Variants in INAFM1 observed in about 807,000 individuals in gnomAD.
INAFM1 encodes InaF motif containing 1, also known as putative transmembrane protein INAFM1.
INAFM1 carries 11 observed loss-of-function variants against 9.4 expected under a neutral mutation model. That is an observed-to-expected ratio of 1.17 (90% CI 0.74 to 1.94). The LOEUF (loss-of-function observed/expected upper bound fraction) is 1.94. Among genes scored for constraint, INAFM1 ranks in the 30% most tolerant of loss-of-function variants. The pLI is 0.00. For synonymous variants in INAFM1, 161 were observed against 109.5 expected, an observed-to-expected ratio of 1.47 and a Z score of -2.94; for missense variants, 318 against 221.6, an observed-to-expected ratio of 1.44 and a Z score of -2.76.
rs1468375474 is a variant in INAFM1 at position 47,275,325 on chromosome 19, G to T, written c.406G>T (p.Ala136Ser). ...RQTPRETPEA[A>S]EGRRPG ...GACACCCAGAGAGACGCCAGAGGCC[G>T]CGGAGGGGCGAAGACCCGGGTAACT... Residue 136 changes from alanine (A) to serine (S), a missense_variant, in exon 1 of 1, where the codon GCG (alanine) becomes TCG (serine). Physicochemically the swap from Ala to Ser is moderately conservative, Grantham distance 99. Transcript: ENST00000552360. 8 of 1,545,734 alleles carry T rather than the reference G, an allele frequency of 5.2e-6. No homozygotes were observed. Among genetic ancestry groups the T allele is most frequent in the Non-Finnish European group, 7.0e-6 (8 of 1,144,846 alleles).
At position 47,275,068 on chromosome 19, in the gene INAFM1, A is replaced by G. The variant is rs750457270; in HGVS notation, c.149A>G (p.Tyr50Cys). Reference sequence around the variant, plus strand: ...CTAGCTGCCGTGCTGCTCGCCGTGTACTACGGTCTCATCTGGGTACCCACG... The same window carrying G: ...CTAGCTGCCGTGCTGCTCGCCGTGTGCTACGGTCTCATCTGGGTACCCACG... Reference protein sequence around the residue: ...VSLAAVLLAVYYGLIWVPTRS... With the variant: ...VSLAAVLLAVCYGLIWVPTRS... The change falls in exon 1 of 1, where the codon TAC becomes TGC. Residue 50 changes from tyrosine (Y) to cysteine (C), a missense_variant. Coordinates refer to ENST00000552360, the MANE Select transcript of INAFM1 (RefSeq NM_178511.6). 4.6e-5 allele frequency: 69 copies of G among 1,496,638 alleles called. No individual in the cohort carries two copies. In the South Asian group the frequency reaches 5.9e-4, roughly 13 times the overall value. The allele number at this position is 1,496,638 out of a possible 1,614,324, so 92.7% of individuals were successfully genotyped here. A position where few individuals can be genotyped will look rare whatever the true frequency, so the allele number is the denominator to read the frequency against.
chr19:47,275,192 C>T lies in INAFM1; in HGVS notation c.273C>T (p.Ala91=), dbSNP rs1254454369. Residue 91 remains alanine (A), a synonymous_variant, in exon 1 of 1, where the codon GCC becomes GCT. Transcript: ENST00000552360. The part of the protein sequence containing the change: ...GVPPVPAPAA[A]SLSCLLGVPG... ...CGCCTGTCCCGGCGCCCGCCGCTGC[C>T]TCCCTCTCCTGCCTCCTGGGAGTCC... 1.3e-6 allele frequency: 2 copies of T among 1,494,534 alleles called. No individual in the cohort carries two copies. The highest frequency in any genetic ancestry group is 2.2e-4 in the Middle Eastern group (1 of 4,586). The allele number at this position is 1,494,534 out of a possible 1,614,324, so 92.6% of individuals were successfully genotyped here. A position where few individuals can be genotyped will look rare whatever the true frequency, so the allele number is the denominator to read the frequency against.
Position 47,275,372 on chromosome 19 carries a change from A to C in INAFM1, c.*24A>C. On this transcript the variant is annotated 3_prime_UTR_variant, in exon 1 of 1. Transcript: ENST00000552360. ...AACTCTCCCTTCCACCCCAACCCGG[A>C]TCGCCAGCCCTCGAGAGCTCTGTGC... The C allele has an allele frequency of 2.0e-6, 3 of 1,531,610 alleles. No homozygotes were observed. The highest frequency in any genetic ancestry group is 1.8e-6 in the Non-Finnish European group (2 of 1,138,174). The allele number at this position is 1,531,610 out of a possible 1,614,324, so 94.9% of individuals were successfully genotyped here.
chr19:47,275,076 C>G lies in INAFM1; in HGVS notation c.157C>G (p.Leu53Val), dbSNP rs959576228. The G allele has an allele frequency of 8.7e-6, 13 of 1,497,044 alleles. No homozygotes were observed. The highest frequency in any genetic ancestry group is 1.2e-5 in the Non-Finnish European group (13 of 1,126,846). The allele number at this position is 1,497,044 out of a possible 1,614,324, so 92.7% of individuals were successfully genotyped here. The change falls in exon 1 of 1, where the codon CTC (leucine) becomes GTC (valine). Residue 53 changes from leucine (L) to valine (V), a missense_variant. Coordinates refer to ENST00000552360, the MANE Select transcript of INAFM1 (RefSeq NM_178511.6). ...CGTGCTGCTCGCCGTGTACTACGGT[C>G]TCATCTGGGTACCCACGCGGTCTCC... ...AAVLLAVYYG[L>V]IWVPTRSPAA...
Position 47,275,334 on chromosome 19 carries a change from C to A in INAFM1, c.415C>A (p.Arg139=), listed in dbSNP as rs773733679. Residue 139 remains arginine (R), a synonymous_variant, in exon 1 of 1, where the codon CGA becomes AGA. Coordinates refer to ENST00000552360, the MANE Select transcript of INAFM1 (RefSeq NM_178511.6). ...AGAGACGCCAGAGGCCGCGGAGGGG[C>A]GAAGACCCGGGTAACTCTCCCTTCC... ...PRETPEAAEG[R]RPG is the part of the protein sequence containing the mutation. 1 of 1,545,124 alleles carries A rather than the reference C, an allele frequency of 6.5e-7. No individual in the cohort carries two copies. The highest frequency in any genetic ancestry group is 1.2e-5 in the South Asian group (1 of 83,926).
At position 47,274,910 on chromosome 19, in the gene INAFM1, G is replaced by A. The variant is rs2059146892; in HGVS notation, c.-10G>A. ...GCGGTCTGCGGCGCGGAGCCGAGTGGGCTGCGGGGATGCGGGGGACCAGCT... is the reference window on the plus strand; with the variant it reads ...GCGGTCTGCGGCGCGGAGCCGAGTGAGCTGCGGGGATGCGGGGGACCAGCT... On this transcript the variant is annotated 5_prime_UTR_variant, in exon 1 of 1. Transcript: ENST00000552360. 2 of 1,311,032 alleles carry A rather than the reference G, an allele frequency of 1.5e-6. No individual in the cohort carries two copies. The highest frequency in any genetic ancestry group is 4.3e-5 in the Admixed American group (1 of 23,336). 81.2% of individuals were successfully genotyped at this position (1,311,032 alleles called of 1,614,324 possible).
chr19:47,275,350 T>A lies in INAFM1; in HGVS notation c.*2T>A. The A allele has an allele frequency of 6.5e-7, 1 of 1,538,014 alleles. No individual in the cohort carries two copies. Among genetic ancestry groups the A allele is most frequent in the Non-Finnish European group, 8.8e-7 (1 of 1,141,128 alleles). On this transcript the variant is annotated 3_prime_UTR_variant, in exon 1 of 1. Transcript: ENST00000552360. ...GCGGAGGGGCGAAGACCCGGGTAAC[T>A]CTCCCTTCCACCCCAACCCGGATCG...
chr19:47,274,947 G>C lies in INAFM1; in HGVS notation c.28G>C (p.Gly10Arg). The C allele has an allele frequency of 2.2e-6, 3 of 1,359,778 alleles. No homozygotes were observed. The highest frequency in any genetic ancestry group is 1.9e-6 in the Non-Finnish European group (2 of 1,065,812). The allele number at this position is 1,359,778 out of a possible 1,614,324, so 84.2% of individuals were successfully genotyped here. A position where few individuals can be genotyped will look rare whatever the true frequency, so the allele number is the denominator to read the frequency against. ...GCGGGGGACCAGCTGCGTGGGCGGC[G>C]GCGCCGAGAGCCCCGGAGGCGCGGG... is the stretch of plus-strand genomic sequence containing the variant. MRGTSCVGG[G>R]AESPGGAGLS... is the part of the protein sequence containing the mutation. Residue 10 changes from glycine to arginine, a missense_variant, in exon 1 of 1, where the codon GGC becomes CGC. Physicochemically the swap from Gly to Arg is moderately radical, Grantham distance 125. Coordinates refer to ENST00000552360, the MANE Select transcript of INAFM1 (RefSeq NM_178511.6).
rs749737476 is a variant in INAFM1, at chr19:47,275,321, G to A, written c.402G>A (p.Glu134=). 1.9e-6 allele frequency: 3 copies of A among 1,546,098 alleles called. No homozygotes were observed. The South Asian group carries it at 3.6e-5, about 18-fold the overall frequency. ...GCCAGACACCCAGAGAGACGCCAGAGGCCGCGGAGGGGCGAAGACCCGGGT... is the reference window on the plus strand; with the variant it reads ...GCCAGACACCCAGAGAGACGCCAGAAGCCGCGGAGGGGCGAAGACCCGGGT... ...PSRQTPRETP[E]AAEGRRPG is the part of the protein sequence containing the mutation. Residue 134 remains glutamate (E), a synonymous_variant, in exon 1 of 1, where the codon GAG becomes GAA. Transcript: ENST00000552360.
In INAFM1 at chr19:47,275,252, G is replaced by A. The variant is rs2123498071; in HGVS notation, c.333G>A (p.Leu111=). The change falls in exon 1 of 1, where the codon CTG becomes CTA. Residue 111 remains leucine (L), a synonymous_variant. Coordinates refer to ENST00000552360, the MANE Select transcript of INAFM1 (RefSeq NM_178511.6). The part of the protein sequence containing the change: ...GGPRPQLQLP[L]SRRRRYSDPD... ...CGCGACCCCAGCTCCAGCTGCCGCT[G>A]AGCCGCCGCCGCCGCTACAGCGACC... 1 of 1,539,436 alleles carries A rather than the reference G, an allele frequency of 6.5e-7. No individual in the cohort carries two copies. The highest frequency in any genetic ancestry group is 8.8e-7 in the Non-Finnish European group (1 of 1,142,796).
In INAFM1 at chr19:47,274,916, G is replaced by C; in HGVS notation, c.-4G>C. The C allele has an allele frequency of 7.6e-7, 1 of 1,314,258 alleles. No homozygotes were observed. Among genetic ancestry groups the C allele is most frequent in the Non-Finnish European group, 9.6e-7 (1 of 1,042,388 alleles). 81.4% of individuals were successfully genotyped at this position (1,314,258 alleles called of 1,614,324 possible). ...TGCGGCGCGGAGCCGAGTGGGCTGC[G>C]GGGATGCGGGGGACCAGCTGCGTGG... is the stretch of plus-strand genomic sequence containing the variant. On this transcript the variant is annotated 5_prime_UTR_variant, in exon 1 of 1. Coordinates refer to ENST00000552360, the MANE Select transcript of INAFM1 (RefSeq NM_178511.6).
In INAFM1 at chr19:47,275,549, G is replaced by A. The variant is rs750208978; in HGVS notation, c.*201G>A. The A allele has an allele frequency of 6.7e-5, 45 of 672,374 alleles. No homozygotes were observed. The highest frequency in any genetic ancestry group is 1.1e-4 in the Non-Finnish European group (44 of 414,298). 41.7% of individuals were successfully genotyped at this position (672,374 alleles called of 1,614,324 possible). On this transcript the variant is annotated 3_prime_UTR_variant, in exon 1 of 1. Coordinates refer to ENST00000552360, the MANE Select transcript of INAFM1 (RefSeq NM_178511.6). ...TTGCAGCTACTCTGTGGTCAGGCCG[G>A]GTCCTCCACCATCAGGAAGATCCCA...
In INAFM1 at chr19:47,275,701, CTG is replaced by C; in HGVS notation, c.*357_*358del. On this transcript the variant is annotated 3_prime_UTR_variant, in exon 1 of 1. Coordinates refer to ENST00000552360, the MANE Select transcript of INAFM1 (RefSeq NM_178511.6). Reference sequence around the variant, plus strand: ...AAACGACAGCCTCGGCTGCCTCGTGCTGTGTCTGTCCTGTTGTCTGCAGAGAT... The same window carrying C: ...AAACGACAGCCTCGGCTGCCTCGTGCTGTCTGTCCTGTTGTCTGCAGAGAT... 3.0e-6 allele frequency: 1 copy of C among 327,886 alleles called. No individual in the cohort carries two copies. Among genetic ancestry groups the C allele is most frequent in the Non-Finnish European group, 5.9e-6 (1 of 169,086 alleles). 20.3% of individuals were successfully genotyped at this position (327,886 alleles called of 1,614,324 possible).
In INAFM1 at chr19:47,275,223, G is replaced by A. The variant is rs1333980444; in HGVS notation, c.304G>A (p.Gly102Arg). 3 of 1,528,806 alleles carry A rather than the reference G, an allele frequency of 2.0e-6. No homozygotes were observed. Among genetic ancestry groups the A allele is most frequent in the Non-Finnish European group, 2.6e-6 (3 of 1,138,710 alleles). 94.7% of individuals were successfully genotyped at this position (1,528,806 alleles called of 1,614,324 possible). ...SLSCLLGVPG[G>R]PRPQLQLPLS... Reference sequence around the variant, plus strand: ...CTCCTGCCTCCTGGGAGTCCCCGGCGGGCCGCGACCCCAGCTCCAGCTGCC... The same window carrying A: ...CTCCTGCCTCCTGGGAGTCCCCGGCAGGCCGCGACCCCAGCTCCAGCTGCC... The change falls in exon 1 of 1, where the codon GGG becomes AGG. Residue 102 changes from glycine to arginine, a missense_variant. Coordinates refer to ENST00000552360, the MANE Select transcript of INAFM1 (RefSeq NM_178511.6).
Position 47,275,290 on chromosome 19 carries a change from C to T in INAFM1, c.371C>T (p.Pro124Leu), listed in dbSNP as rs1041737272. The T allele has an allele frequency of 3.6e-5, 55 of 1,546,078 alleles. No individual in the cohort carries two copies. The East Asian group carries it at 1.1e-3, about 30-fold the overall frequency. Residue 124 changes from proline (P) to leucine (L), a missense_variant, in exon 1 of 1, where the codon CCG becomes CTG. Transcript: ENST00000552360. ...RRRYSDPDRR[P>L]SRQTPRETPE... is the part of the protein sequence containing the mutation. Reference sequence around the variant, plus strand: ...CGCTACAGCGACCCTGACCGCCGTCCGAGCCGCCAGACACCCAGAGAGACG... The same window carrying T: ...CGCTACAGCGACCCTGACCGCCGTCTGAGCCGCCAGACACCCAGAGAGACG...
At position 47,275,181 on chromosome 19, in the gene INAFM1, C is replaced by G; in HGVS notation, c.262C>G (p.Pro88Ala). The change falls in exon 1 of 1, where the codon CCC (proline) becomes GCC (alanine). Residue 88 changes from proline (P) to alanine (A), a missense_variant. Coordinates refer to ENST00000552360, the MANE Select transcript of INAFM1 (RefSeq NM_178511.6). ...ARPGVPPVPA[P>A]AAASLSCLLG... is the part of the protein sequence containing the mutation. ...CCCGGGCGTGCCGCCTGTCCCGGCGCCCGCCGCTGCCTCCCTCTCCTGCCT... is the reference window on the plus strand; with the variant it reads ...CCCGGGCGTGCCGCCTGTCCCGGCGGCCGCCGCTGCCTCCCTCTCCTGCCT... 6.8e-7 allele frequency: 1 copy of G among 1,469,998 alleles called. No individual in the cohort carries two copies. The highest frequency in any genetic ancestry group is 9.0e-7 in the Non-Finnish European group (1 of 1,117,158). The allele number at this position is 1,469,998 out of a possible 1,614,324, so 91.1% of individuals were successfully genotyped here.
At chr19:47,274,799 TGGCGGG>T (rs1374219504), upstream of INAFM1, 64 of 603,818 alleles carry the variant, frequency 1.1e-4, no homozygotes, top group Middle Eastern at 1.8e-3. Flanking sequence ...GTGACCATGC[TGGCGGG>T]GGCGGGGCCG....
At chr19:47,274,670 C>T (rs1600297539), upstream of INAFM1, 1 of 195,294 alleles carries the variant, frequency 5.1e-6, no homozygotes, top group East Asian at 9.2e-5. Context: ...GGTGGTGGGG[C>T]TAAGCGCGGG....
In INAFM1 at chr19:47,275,137, C is replaced by G; in HGVS notation, c.218C>G (p.Ser73Cys). The change falls in exon 1 of 1, where the codon TCC becomes TGC. Residue 73 changes from serine to cysteine, a missense_variant. Physicochemically the swap from Ser to Cys is moderately radical, Grantham distance 112 (BLOSUM62 -1). Coordinates refer to ENST00000552360, the MANE Select transcript of INAFM1 (RefSeq NM_178511.6). Reference sequence around the variant, plus strand: ...GCCGGCCCACAGCCCAGCGCGCCGTCCCCTCCGTGTGCTGCCCGCCCGGGC... The same window carrying G: ...GCCGGCCCACAGCCCAGCGCGCCGTGCCCTCCGTGTGCTGCCCGCCCGGGC... ...APAGPQPSAPSPPCAARPGVP... is the reference protein window; with the variant it reads ...APAGPQPSAPCPPCAARPGVP... The G allele has an allele frequency of 6.7e-7, 1 of 1,491,180 alleles. No individual in the cohort carries two copies. Among genetic ancestry groups the G allele is most frequent in the South Asian group, 1.3e-5 (1 of 78,824 alleles). The allele number at this position is 1,491,180 out of a possible 1,614,324, so 92.4% of individuals were successfully genotyped here.
Sources: gnomAD v4.1 joint callset for allele counts on GRCh38, gnomAD v4.1.1 for gene constraint, MANE v1.5 for transcripts, NCBI Gene and HGNC (gene_info 2026-07-23, HGNC 2026-07-21) for gene names.